MED13: variants seen among roughly 807,000 people sequenced by gnomAD.
MED13 encodes mediator complex subunit 13, also known as mediator of RNA polymerase II transcription subunit 13.
A neutral mutation model predicts 225.2 loss-of-function variants in MED13; 23 were observed. The ratio of observed to expected loss-of-function variants is 0.10; its 90% CI spans 0.07 to 0.14. The LOEUF is 0.14. Ranked by LOEUF, MED13 falls within the 10% of genes least tolerant of loss-of-function variation. MED13 has a pLI of 1.00. For missense variants in MED13, 2,197 were observed against 2,594.5 expected, an observed-to-expected ratio of 0.85 and a Z score of 3.33; for synonymous variants, 942 against 889.2, an observed-to-expected ratio of 1.06 and a Z score of -1.06.
chr17:61,950,173 G>T (rs1210467012), intron 28 of MED13, among the ~76,000 whole-genome samples: 1 of 152,080 alleles, frequency 6.6e-6, no homozygotes, highest in Non-Finnish European at 1.5e-5. Flanking sequence ...GAGAAGGTTA[G>T]ACAGAGGTAA....
chr17:62,010,099 G>C (rs916098149), intron 9 of MED13, among the ~76,000 whole-genome samples: 20 of 152,060 alleles, frequency 1.3e-4, no homozygotes, highest in African/African-American at 4.3e-4. Flanking sequence ...GCTCACACCT[G>C]TAATCCCAGC....
In MED13 at chr17:61,984,376, T is replaced by A; in HGVS notation, c.2692-9A>T. On this transcript the variant is annotated splice_polypyrimidine_tract_variant and intron_variant, in intron 14 of 29. Transcript: ENST00000397786. ...TAGACATAAGAAAAATCCTACAATA[T>A]AAAGATGGTAGGTTTTCAGTATCTT... The A allele has an allele frequency of 6.5e-7, 1 of 1,535,278 alleles. No individual in the cohort carries two copies. Among genetic ancestry groups the A allele is most frequent in the Non-Finnish European group, 8.7e-7 (1 of 1,145,586 alleles).
chr17:61,999,499 T>C (rs1005838523), intron 9 of MED13, among the ~76,000 whole-genome samples: 2 of 152,148 alleles, frequency 1.3e-5, no homozygotes, highest in African/African-American at 4.8e-5. Flanking sequence ...AACTAATAGA[T>C]AAACTAAAAA....
At chr17:62,046,286 G>T (rs989715423) in intron 3 of MED13, among the ~76,000 whole-genome samples, 32 of 152,190 alleles carry the variant, frequency 2.1e-4, no homozygotes, top group African/African-American at 7.7e-4. Context: ...GAAGGAAAAA[G>T]GGTAAGAAAG....
At chr17:61,954,094 C>T (rs534245359) in intron 26 of MED13, among the ~76,000 whole-genome samples, 3 of 152,098 alleles carry the variant, frequency 2.0e-5, no homozygotes, top group Non-Finnish European at 4.4e-5. Context: ...TACCCATGGG[C>T]AACTGAAATC....
In MED13 at chr17:62,001,774, A is replaced by G. The variant is rs141198915; in HGVS notation, c.1968-6409T>C. ...AATATGCTATTTTCCATTAGACTAC[A>G]ATTTCATTTATGGTCAAGAGTAAAT... On this transcript the variant is annotated intron_variant, in intron 9 of 29. Coordinates refer to ENST00000397786, the MANE Select transcript of MED13 (RefSeq NM_005121.3). 5.6e-3 allele frequency among the ~76,000 whole-genome samples: 852 copies of G among 152,316 alleles called. 6 individuals are homozygous for G. Among genetic ancestry groups the G allele is most frequent in the Non-Finnish European group, 8.6e-3 (585 of 68,028 alleles).
At chr17:62,019,421 G>A (rs2080615758) in intron 8 of MED13, among the ~76,000 whole-genome samples, 1 of 152,162 alleles carries the variant, frequency 6.6e-6, no homozygotes, top group African/African-American at 2.4e-5. Context: ...GCAGTCTTCG[G>A]TAATTTTTTA....
rs2080732829 is a variant in MED13 at position 62,029,418 on chromosome 17, T to C, written c.1283+123A>G. On this transcript the variant is annotated intron_variant, in intron 8 of 29. Coordinates refer to ENST00000397786, the MANE Select transcript of MED13 (RefSeq NM_005121.3). ...AATTCCTGAAATATTTTTCCTGAAT[T>C]TTCTTTTGAAAAAAAATCCTGACAT... 4.6e-6 allele frequency: 3 copies of C among 652,250 alleles called. No homozygotes were observed. In the South Asian group the frequency reaches 7.8e-5, roughly 17 times the overall value. The allele number at this position is 652,250 out of a possible 1,614,324, so 40.4% of individuals were successfully genotyped here.
rs752491866 is a variant in MED13 at position 61,985,077 on chromosome 17, T to G, written c.2399A>C (p.Lys800Thr). The change falls in exon 13 of 30, where the codon AAA becomes ACA. Residue 800 changes from lysine to threonine, a missense_variant. Physicochemically the swap from Lys to Thr is moderately conservative, Grantham distance 78. Transcript: ENST00000397786. ...TTTATCATCTGATCCATTTGCTGAT[T>G]TTTTAGATCCAGGCTATTTAAAAAA... The part of the protein sequence containing the change: ...DEDELTPGSK[K>T]SANGSDDKAS... 5 of 1,613,496 alleles carry G rather than the reference T, an allele frequency of 3.1e-6. No individual in the cohort carries two copies. The highest frequency in any genetic ancestry group is 4.2e-6 in the Non-Finnish European group (5 of 1,179,846).
intron 19 of MED13, 107 bp downstream of exon 19, chr17:61,966,355 A>G: frequency 1.1e-6 from 1 of 882,294 alleles, no homozygotes. Flanking sequence ...GAAAATACAT[A>G]AATGAGGATG....
chr17:62,048,652 G>A (rs576951520), intron 3 of MED13, among the ~76,000 whole-genome samples: 15 of 152,104 alleles, frequency 9.9e-5, no homozygotes, highest in South Asian at 8.3e-4. Context: ...TCCCCAATAG[G>A]TTCACTAAAC....
chr17:62,046,050 CTTG>C (rs1036387190), intron 3 of MED13, among the ~76,000 whole-genome samples: 2 of 152,208 alleles, frequency 1.3e-5, no homozygotes, highest in African/African-American at 4.8e-5. Flanking sequence ...CTTTACAACT[CTTG>C]TTCTTTTTTC....
Position 62,031,447 on chromosome 17 carries a change from T to C in MED13, c.1006A>G (p.Thr336Ala). 3 of 1,600,258 alleles carry C rather than the reference T, an allele frequency of 1.9e-6. No individual in the cohort carries two copies. The highest frequency in any genetic ancestry group is 1.1e-5 in the South Asian group (1 of 88,822). The change falls in exon 6 of 30, where the codon ACA becomes GCA. Residue 336 changes from threonine (T) to alanine (A), a missense_variant. Around this residue, in one of 12 missense-constraint regions of MED13, gnomAD observed 884 missense variants for 918.5 expected, o/e 0.96. Coordinates refer to ENST00000397786, the MANE Select transcript of MED13 (RefSeq NM_005121.3). ...TPPTSPEEVQ[T>A]VDPQSVQKWV... ...ATGAGACAAATTACTGCTATACCTG[T>C]TTGGACTTCCTCAGGAGACGTAGGT...
intron 9 of MED13, chr17:62,004,822 C>T (rs1328301530): frequency 6.6e-6 from 1 of 151,930 alleles, no homozygotes; most frequent in East Asian, 1.9e-4. Flanking sequence ...AGAGCTGAGG[C>T]TGGCTTAGAC....
In MED13 at chr17:62,033,076, G is replaced by T. The variant is rs572584440; in HGVS notation, c.814+711C>A. On this transcript the variant is annotated intron_variant, in intron 5 of 29. Coordinates refer to ENST00000397786, the MANE Select transcript of MED13 (RefSeq NM_005121.3). ...GAGGCACGAAAAGCGCTTGAACCTG[G>T]GAGGCGGAGGAGGTTGCAGTGAGCC... 5.9e-5 allele frequency among the ~76,000 whole-genome samples: 9 copies of T among 152,094 alleles called. No homozygotes were observed. In the East Asian group the frequency reaches 1.7e-3, roughly 29 times the overall value.
intron 17 of MED13, among the ~76,000 whole-genome samples, chr17:61,972,311 T>G (rs899119221): frequency 6.6e-6 from 1 of 152,202 alleles, no homozygotes; most frequent in African/African-American, 2.4e-5. Context: ...TCTTCTTAGT[T>G]GTAATTCTTT....
rs932501775 is a variant in MED13, at chr17:61,982,871, T to C, written c.3132A>G (p.Pro1044=). 5 of 1,614,074 alleles carry C rather than the reference T, an allele frequency of 3.1e-6. No individual in the cohort carries two copies. Among genetic ancestry groups the C allele is most frequent in the Admixed American group, 1.7e-5 (1 of 59,990 alleles). ...GTCTGCATGTAGATGGGGTAGAAGC[T>C]GGTGAATACAAGTCTGAATTTTCAT... ...VKYENSDLYS[P]ASTPSTCRPL... Residue 1044 remains proline, a synonymous_variant, in exon 16 of 30, where the codon CCA becomes CCG. Transcript: ENST00000397786.
chr17:61,954,037 G>C (rs1473690684), intron 26 of MED13, among the ~76,000 whole-genome samples: 1 of 152,212 alleles, frequency 6.6e-6, no homozygotes, highest in Non-Finnish European at 1.5e-5. Flanking sequence ...TAAAAGGTAT[G>C]TGAATGTGGT....
chr17:61,952,372 C>T (rs1390744400), intron 27 of MED13, among the ~76,000 whole-genome samples: 1 of 152,114 alleles, frequency 6.6e-6, no homozygotes, highest in African/African-American at 2.4e-5. Flanking sequence ...TTCCTTGTCA[C>T]AGCCCTGATA....
Sources: allele counts gnomAD v4.1 joint callset (sites outside exome capture counted in the v4.1 genomes callset), GRCh38; gene constraint gnomAD v4.1.1; regional missense constraint gnomAD v4.1.1; transcripts MANE v1.5; gene names NCBI Gene and HGNC (gene_info 2026-07-23, HGNC 2026-07-21).